Variants in TRPM7 observed in about 807,000 individuals in gnomAD.
The protein encoded by TRPM7 is transient receptor potential cation channel subfamily M member 7, also known as LTRPC ion channel family member 7.
A neutral mutation model predicts 229.7 loss-of-function variants in TRPM7; 134 were observed. The observed-to-expected ratio is 0.58, with a 90% confidence interval of 0.51 to 0.67. The LOEUF is 0.67. Ranked by LOEUF, TRPM7 falls within the 30% of genes least tolerant of loss-of-function variation. The pLI is 0.00. For missense variants in TRPM7, 1,901 were observed against 2,210.0 expected (o/e 0.86, Z 2.80); for synonymous variants, 699 against 715.2 (o/e 0.98, Z 0.36).
chr15:50,611,984 A>G (rs2060073760), intron 16 of TRPM7, among the ~76,000 whole-genome samples: 1 of 152,152 alleles, frequency 6.6e-6, no homozygotes, highest in Non-Finnish European at 1.5e-5. Context: ...AATTCAGTCT[A>G]TTTTCTTATA....
intron 1 of TRPM7, among the ~76,000 whole-genome samples, chr15:50,666,972 A>C (rs2061899441): frequency 6.6e-6 from 1 of 151,930 alleles, no homozygotes; most frequent in African/African-American, 2.4e-5. Context: ...TACTGTATGG[A>C]TTCGCCTCAA....
chr15:50,664,828 G>A (rs1417100142), intron 1 of TRPM7, among the ~76,000 whole-genome samples: 2 of 152,134 alleles, frequency 1.3e-5, no homozygotes, highest in African/African-American at 2.4e-5. Flanking sequence ...GGGTGTGGTG[G>A]TGCACACCTA....
rs566384136 is a variant in TRPM7 at position 50,631,557 on chromosome 15, T to C, written c.1132-68A>G. ...AAAACAAAGGCATCATAAAACTCAG[T>C]AATTTCAAACTATATGGGGGGCAAA... On this transcript the variant is annotated intron_variant, in intron 9 of 38. Coordinates refer to ENST00000646667, the MANE Select transcript of TRPM7 (RefSeq NM_017672.6). 5.6e-5 allele frequency: 62 copies of C among 1,098,484 alleles called. No individual in the cohort carries two copies. In the African/African-American group the frequency reaches 9.6e-4, roughly 17 times the overall value. 68.0% of individuals were successfully genotyped at this position (1,098,484 alleles called of 1,614,324 possible).
chr15:50,623,166 T>C lies in TRPM7; in HGVS notation c.1440+1000A>G, dbSNP rs1388440927. Among the ~76,000 whole-genome samples the C allele has an allele frequency of 5.9e-5, 9 of 151,466 alleles. 1 individual carries two copies. The highest frequency in any genetic ancestry group is 1.5e-4 in the African/African-American group (6 of 41,216). ...CAGTGGCTCACGCCTGTAATCCCAG[T>C]GCTTTGGGAGGCTGAGGCGGGCAGA... is the stretch of plus-strand genomic sequence containing the variant. On this transcript the variant is annotated intron_variant, in intron 12 of 38. Transcript: ENST00000646667.
At chr15:50,640,610 T>C (rs915005650) in intron 5 of TRPM7, among the ~76,000 whole-genome samples, 2 of 152,040 alleles carry the variant, frequency 1.3e-5, no homozygotes, top group African/African-American at 2.4e-5. Flanking sequence ...ATGGGCTGAA[T>C]TGTGTCCCCT....
In TRPM7 at chr15:50,594,681, G is replaced by A. The variant is rs532828652; in HGVS notation, c.3291-68C>T. On this transcript the variant is annotated intron_variant, in intron 23 of 38. Transcript: ENST00000646667. ...ATCTCTTAAAGTTTTAAATACTGATGATTTCATTGTAATTCTGTACTAAAT... is the reference window on the plus strand; with the variant it reads ...ATCTCTTAAAGTTTTAAATACTGATAATTTCATTGTAATTCTGTACTAAAT... 1.2e-4 allele frequency: 132 copies of A among 1,060,036 alleles called. No homozygotes were observed. In the African/African-American group the frequency reaches 2.0e-3, roughly 16 times the overall value. 65.7% of individuals were successfully genotyped at this position (1,060,036 alleles called of 1,614,324 possible).
chr15:50,592,855 A>G (rs936502465), intron 25 of TRPM7, among the ~76,000 whole-genome samples: 1 of 152,216 alleles, frequency 6.6e-6, no homozygotes. Context: ...TTTGTTCCAC[A>G]GGCTACTTAT....
At chr15:50,660,320 TAATA>T (rs1309978467) in intron 2 of TRPM7, among the ~76,000 whole-genome samples, 2 of 152,092 alleles carry the variant, frequency 1.3e-5, no homozygotes, top group African/African-American at 2.4e-5. Flanking sequence ...ATTTTCTCAA[TAATA>T]AATAAATCCA....
chr15:50,685,352 G>C (rs902883160), intron 1 of TRPM7, among the ~76,000 whole-genome samples: 2 of 152,184 alleles, frequency 1.3e-5, no homozygotes, highest in Admixed American at 6.5e-5. Flanking sequence ...AGCTACTCGG[G>C]AGCCTGAGGC....
intron 9 of TRPM7, among the ~76,000 whole-genome samples, chr15:50,632,441 A>G (rs2060767140): frequency 6.6e-6 from 1 of 152,218 alleles, no homozygotes; most frequent in African/African-American, 2.4e-5. Context: ...CTTGCTAAAA[A>G]TTTTATCTCT....
chr15:50,573,996 G>A (rs1386841745), intron 36 of TRPM7, among the ~76,000 whole-genome samples: 1 of 151,256 alleles, frequency 6.6e-6, no homozygotes, highest in Non-Finnish European at 1.5e-5. Flanking sequence ...GGCGGAAGTT[G>A]CAGTGAGCTG....
chr15:50,586,516 T>A (rs1400173925), intron 27 of TRPM7, 28 bp from the exon 28 acceptor site: 1 of 1,451,790 alleles, frequency 6.9e-7, no homozygotes, highest in South Asian at 1.2e-5. Context: ...ACATATAATT[T>A]GAAAATAATT....
intron 38 of TRPM7, among the ~76,000 whole-genome samples, chr15:50,562,579 G>A (rs994836819): frequency 5.9e-5 from 9 of 152,058 alleles, no homozygotes; most frequent in African/African-American, 2.2e-4. Context: ...AGAGCAGCCT[G>A]GCCAACATGG....
At chr15:50,593,345 A>G (rs2059553587) in intron 25 of TRPM7, among the ~76,000 whole-genome samples, 1 of 152,016 alleles carries the variant, frequency 6.6e-6, no homozygotes, top group East Asian at 1.9e-4. Context: ...AAATGCTGTA[A>G]AATAGTGAGG....
intron 38 of TRPM7, among the ~76,000 whole-genome samples, chr15:50,566,191 T>G (rs1317692351): frequency 6.6e-6 from 1 of 152,034 alleles, no homozygotes; most frequent in Non-Finnish European, 1.5e-5. Flanking sequence ...TCTTTTATAA[T>G]AGAATTAAGC....
intron 7 of TRPM7, among the ~76,000 whole-genome samples, chr15:50,635,585 C>G (rs1235110858): frequency 3.4e-5 from 5 of 147,470 alleles, no homozygotes; most frequent in African/African-American, 5.0e-5. Context: ...ATTACTTGAA[C>G]CCGGGAGGCG....
At chr15:50,617,799 G>A (rs762775625) in intron 13 of TRPM7, among the ~76,000 whole-genome samples, 3 of 151,586 alleles carry the variant, frequency 2.0e-5, no homozygotes, top group Non-Finnish European at 4.4e-5. Flanking sequence ...TTGGACTACA[G>A]GCACGTGACA....
intron 1 of TRPM7, among the ~76,000 whole-genome samples, chr15:50,678,977 G>A (rs1035265008): frequency 1.3e-5 from 2 of 152,152 alleles, no homozygotes; most frequent in African/African-American, 4.8e-5. Context: ...GGGTTCAAGA[G>A]ATTCACCTGC....
chr15:50,607,144 C>G, intron 20 of TRPM7, 56 bp downstream of exon 20: 1 of 1,530,092 alleles, frequency 6.5e-7, no homozygotes, highest in South Asian at 1.3e-5. Flanking sequence ...CAAAACAAAA[C>G]AGAAAATCTT....
Sources: allele counts gnomAD v4.1 joint callset (sites outside exome capture counted in the v4.1 genomes callset), GRCh38; gene constraint gnomAD v4.1.1; transcripts MANE v1.5; gene names NCBI Gene and HGNC (gene_info 2026-07-23, HGNC 2026-07-21).